The following RAB3GAP1 variants were observed in gnomAD, a reference collection of about 807,000 sequenced individuals.
RAB3GAP1 encodes the protein rab3 GTPase-activating protein catalytic subunit.
A neutral mutation model predicts 130.7 loss-of-function variants in RAB3GAP1; 86 were observed. The observed-to-expected ratio is 0.66, with a 90% CI of 0.55 to 0.79. The LOEUF is 0.79. Ranked by LOEUF, RAB3GAP1 falls within the 30% of genes least tolerant of loss-of-function variation. The probability of loss-of-function intolerance (pLI) is 0.00; values close to 1 mark genes in which losing one functional copy is unlikely to be tolerated. For missense variants in RAB3GAP1, 1,029 were observed against 1,169.4 expected, an observed-to-expected ratio of 0.88 and a Z score of 1.75; for synonymous variants, 367 against 401.7, an observed-to-expected ratio of 0.91 and a Z score of 1.03.
At chr2:135,091,593 T>A (rs1690142808) in intron 4 of RAB3GAP1, among the ~76,000 whole-genome samples, 1 of 152,160 alleles carries the variant, frequency 6.6e-6, no homozygotes, top group Admixed American at 6.5e-5. Flanking sequence ...TACTCTAGAT[T>A]TTGGAGTCAA....
At chr2:135,108,650 T>A (rs1690701179) in intron 5 of RAB3GAP1, among the ~76,000 whole-genome samples, 1 of 152,102 alleles carries the variant, frequency 6.6e-6, no homozygotes. Flanking sequence ...TCTCTTTCAT[T>A]CTCTTGACAG....
intron 11 of RAB3GAP1, among the ~76,000 whole-genome samples, chr2:135,127,225 C>T (rs1460381504): frequency 6.6e-6 from 1 of 150,878 alleles, no homozygotes; most frequent in African/African-American, 2.4e-5. Flanking sequence ...TATGTTACTC[C>T]CTTTCCTTCC....
intron 23 of RAB3GAP1, among the ~76,000 whole-genome samples, chr2:135,165,441 T>C (rs1692611569): frequency 6.6e-6 from 1 of 152,232 alleles, no homozygotes. Context: ...GACCCAGTTT[T>C]GAGAGTGTAA....
chr2:135,055,699 A>G (rs1318477183), intron 2 of RAB3GAP1, among the ~76,000 whole-genome samples: 2 of 151,544 alleles, frequency 1.3e-5, no homozygotes, highest in South Asian at 2.1e-4. Context: ...AAAAAAAGAC[A>G]TTTCTTCTTT....
In RAB3GAP1 at chr2:135,117,561, T is replaced by TCTTCTTCTG. The variant is rs1203825140; in HGVS notation, c.648+2189_648+2197dup. Among the ~76,000 whole-genome samples, 24 of 148,124 alleles carry TCTTCTTCTG rather than the reference T, an allele frequency of 1.6e-4. 1 individual carries two copies. Among genetic ancestry groups the TCTTCTTCTG allele is most frequent in the African/African-American group, 5.6e-4 (22 of 39,494 alleles). On this transcript the variant is annotated intron_variant, in intron 7 of 23. Transcript: ENST00000264158. ...TTCTTCTGCTTCTTCTTCTTCTGCT[T>TCTTCTTCTG]CTTCTTCTGCTTCTTCTTCTGCTTC...
chr2:135,135,691 T>G lies in RAB3GAP1; in HGVS notation c.1682T>G (p.Leu561Arg), dbSNP rs747365496. ...GGAGACCAGTTGGTGCCAGATAATC[T>G]AAAAGAAACAGATAAGGAAAAGGGA... ...KAGDQLVPDN[L>R]KETDKEKGEV... Residue 561 changes from leucine to arginine, a missense_variant, in exon 17 of 24, where the codon CTA (leucine) becomes CGA (arginine). By Grantham distance (102) the Leu-to-Arg change is moderately radical. Around this residue, in one of 3 missense-constraint regions of RAB3GAP1, gnomAD observed 373 missense variants for 493.6 expected, o/e 0.76. Transcript: ENST00000264158. The G allele has an allele frequency of 2.2e-5, 36 of 1,613,968 alleles. No homozygotes were observed. The highest frequency in any genetic ancestry group is 3.0e-5 in the Non-Finnish European group (35 of 1,179,998).
intron 3 of RAB3GAP1, among the ~76,000 whole-genome samples, chr2:135,069,351 T>C (rs1006120481): frequency 6.6e-6 from 1 of 152,232 alleles, no homozygotes; most frequent in Admixed American, 6.5e-5. Flanking sequence ...CTTGTACCTT[T>C]TAAAATAACT....
chr2:135,134,723 G>A (rs1013344272), intron 15 of RAB3GAP1, among the ~76,000 whole-genome samples: 17 of 152,092 alleles, frequency 1.1e-4, no homozygotes, highest in African/African-American at 3.6e-4. Flanking sequence ...TAGACAGTCC[G>A]CTCTGGAACA....
rs550064343 is a variant in RAB3GAP1 at position 135,079,835 on chromosome 2, A to G, written c.151-11163A>G. Among the ~76,000 whole-genome samples, 3 of 152,330 alleles carry G rather than the reference A, an allele frequency of 2.0e-5. No individual in the cohort carries two copies. In the East Asian group the frequency reaches 5.8e-4, roughly 29 times the overall value. On this transcript the variant is annotated intron_variant, in intron 3 of 23. Transcript: ENST00000264158. Reference sequence around the variant, plus strand: ...TTCAGTCTCTTAACTTTTCTCATCTATAAAATGAGGTTGGCTGGGCGCGGT... The same window carrying G: ...TTCAGTCTCTTAACTTTTCTCATCTGTAAAATGAGGTTGGCTGGGCGCGGT...
intron 3 of RAB3GAP1, among the ~76,000 whole-genome samples, chr2:135,062,898 CA>C (rs553720544): frequency 4.6e-4 from 70 of 152,334 alleles, no homozygotes; most frequent in African/African-American, 1.5e-3. Flanking sequence ...TGGCTAAACG[CA>C]CTTATTAATC....
chr2:135,096,914 T>G (rs541258875), intron 5 of RAB3GAP1, among the ~76,000 whole-genome samples: 1 of 152,272 alleles, frequency 6.6e-6, no homozygotes, highest in South Asian at 2.1e-4. Flanking sequence ...TTACATAGTT[T>G]GTGGTCAAAA....
At chr2:135,143,556 C>CT (rs770650929) in intron 17 of RAB3GAP1, among the ~76,000 whole-genome samples, 11,946 of 135,088 alleles carry the variant, frequency 0.088, 1,568 homozygotes, top group African/African-American at 0.27. Context: ...TAACATGCTA[C>CT]TTTTTTTTTT....
chr2:135,112,765 G>C (rs1690842967), intron 5 of RAB3GAP1, among the ~76,000 whole-genome samples: 1 of 151,500 alleles, frequency 6.6e-6, no homozygotes, highest in African/African-American at 2.4e-5. Context: ...AAACACATGG[G>C]TATACAACAT....
intron 5 of RAB3GAP1, among the ~76,000 whole-genome samples, chr2:135,096,275 CTT>C (rs1690288634): frequency 2.6e-5 from 4 of 152,118 alleles, no homozygotes; most frequent in African/African-American, 9.6e-5. Flanking sequence ...ATCAGTTGGT[CTT>C]TTGATTTTTT....
intron 7 of RAB3GAP1, among the ~76,000 whole-genome samples, chr2:135,119,914 G>T (rs576551023): frequency 2.0e-5 from 3 of 152,320 alleles, no homozygotes; most frequent in African/African-American, 7.2e-5. Flanking sequence ...GTCATAGGAT[G>T]TTTAAATGAT....
At chr2:135,160,158 A>G (rs1309321027) in intron 19 of RAB3GAP1, among the ~76,000 whole-genome samples, 3 of 152,264 alleles carry the variant, frequency 2.0e-5, no homozygotes, top group African/African-American at 2.4e-5. Flanking sequence ...TATGTGAGTT[A>G]TAACTCAATT....
chr2:135,137,057 T>A (rs1383830491), intron 17 of RAB3GAP1: 1 of 257,276 alleles, frequency 3.9e-6, no homozygotes, highest in East Asian at 1.0e-4. Context: ...ACCACTGTAC[T>A]CCAGCCTGGG....
chr2:135,084,881 G>A lies in RAB3GAP1; in HGVS notation c.151-6117G>A, dbSNP rs191477164. Among the ~76,000 whole-genome samples the A allele has an allele frequency of 4.4e-4, 67 of 152,268 alleles. 1 individual carries two copies. The East Asian group carries it at 0.011, about 26-fold the overall frequency. ...TTCTTGTATTTGAACAAGATGCTGA[G>A]AAATAATCACTAACTGTTTGAAAAT... On this transcript the variant is annotated intron_variant, in intron 3 of 23. Coordinates refer to ENST00000264158, the MANE Select transcript of RAB3GAP1 (RefSeq NM_012233.3).
chr2:135,164,067 C>T (rs1285784366), intron 22 of RAB3GAP1, among the ~76,000 whole-genome samples: 1 of 152,184 alleles, frequency 6.6e-6, no homozygotes, highest in Non-Finnish European at 1.5e-5. Context: ...TTCCACCATA[C>T]GTTATCTGTG....
Sources: allele counts gnomAD v4.1 joint callset (sites outside exome capture counted in the v4.1 genomes callset), GRCh38; gene constraint gnomAD v4.1.1; regional missense constraint gnomAD v4.1.1; transcripts MANE v1.5; gene names NCBI Gene and HGNC (gene_info 2026-07-23, HGNC 2026-07-21).